The following PTPRU variants were observed in gnomAD, a reference collection of about 807,000 sequenced individuals.
The protein encoded by PTPRU is receptor-type tyrosine-protein phosphatase U.
Under a neutral mutation model 166.3 loss-of-function variants are expected in PTPRU, and 69 were observed. The observed-to-expected ratio is 0.41, with a 90% CI of 0.34 to 0.51. PTPRU has a LOEUF of 0.51. Among genes scored for constraint, PTPRU ranks in the 20% least tolerant of loss-of-function variants. The pLI is 0.09. For missense variants in PTPRU, 1,657 were observed against 2,013.7 expected (o/e 0.82, Z 3.39); for synonymous variants, 793 against 814.0 (o/e 0.97, Z 0.44).
chr1:29,306,065 C>A (rs531690916), intron 18 of PTPRU, among the ~76,000 whole-genome samples: 73 of 152,300 alleles, frequency 4.8e-4, no homozygotes, highest in African/African-American at 1.7e-3. Flanking sequence ...GGTTGCACAG[C>A]TAGTGAGTGG....
At chr1:29,304,120 C>G (rs1687272870) in intron 16 of PTPRU, 75 bp downstream of exon 16, 1 of 1,503,974 alleles carries the variant, frequency 6.6e-7, no homozygotes, top group South Asian at 1.3e-5. Context: ...GACTCTGACC[C>G]TGGCAACCCT....
Position 29,282,872 on chromosome 1 carries a change from C to T in PTPRU, c.2065C>T (p.Arg689Ter). The T allele has an allele frequency of 6.2e-7, 1 of 1,614,126 alleles. No individual in the cohort carries two copies. The highest frequency in any genetic ancestry group is 1.1e-5 in the South Asian group (1 of 91,086). Residue 689 changes from arginine (R) to a stop codon, truncating the protein, a stop_gained, in exon 12 of 30, where the codon CGA becomes TGA. Coordinates refer to ENST00000373779, the MANE Select transcript of PTPRU (RefSeq NM_133178.4). LOFTEE classifies it high-confidence loss of function. ...PFTVGDNQTYRGFWNPPLEPR... is the reference protein window; with the variant it reads ...PFTVGDNQTY The stretch of plus-strand genomic sequence containing the variant: ...TACCGTGGGTGACAACCAGACCTAC[C>T]GAGGCTTCTGGAACCCACCACTTGA...
intron 26 of PTPRU, among the ~76,000 whole-genome samples, chr1:29,321,026 T>A (rs1487072794): frequency 2.6e-5 from 4 of 152,152 alleles, no homozygotes; most frequent in Non-Finnish European, 5.9e-5. Flanking sequence ...GTTGCTCTTT[T>A]TCTTTTCTTT....
In PTPRU at chr1:29,325,712, T is replaced by A. The variant is rs756639334; in HGVS notation, c.*51T>A. ...TGCACACTCAGGGCCAGACCCACCA[T>A]CCTGGACTGGCGAGGAAGATCAGTG... On this transcript the variant is annotated 3_prime_UTR_variant, in exon 30 of 30. Transcript: ENST00000373779. The A allele has an allele frequency of 3.3e-6, 5 of 1,493,236 alleles. No homozygotes were observed. The African/African-American group carries it at 7.0e-5, about 21-fold the overall frequency. 92.5% of individuals were successfully genotyped at this position (1,493,236 alleles called of 1,614,324 possible). A position where few individuals can be genotyped will look rare whatever the true frequency, so the allele number is the denominator to read the frequency against.
chr1:29,323,940 C>G (rs1040856597), intron 28 of PTPRU, 152 bp downstream of exon 28: 3 of 1,040,534 alleles, frequency 2.9e-6, no homozygotes, highest in Non-Finnish European at 2.7e-6. Flanking sequence ...GCTGCCCAAC[C>G]AGCCAAGGCT....
rs1685288883 is a variant in PTPRU at position 29,266,032 on chromosome 1, T to C, written c.1144+5129T>C. On this transcript the variant is annotated intron_variant, in intron 7 of 29. Transcript: ENST00000373779. The stretch of plus-strand genomic sequence containing the variant: ...TGGGTTTTTTTTTTTTTTTTTTTTT[T>C]TTTTTGATACGGAGTTTCACTCTTG... 3.4e-5 allele frequency among the ~76,000 whole-genome samples: 5 copies of C among 145,810 alleles called. No individual in the cohort carries two copies. In the South Asian group the frequency reaches 9.0e-4, roughly 26 times the overall value.
chr1:29,312,613 G>A lies in PTPRU; in HGVS notation c.3134G>A (p.Gly1045Asp). ...QFHFTAWPEH[G>D]VPYHATGLLA... ...CACTTCACAGCGTGGCCAGAGCATG[G>A]CGTCCCCTACCATGCCACGGGGCTG... The change falls in exon 22 of 30, where the codon GGC (glycine) becomes GAC (aspartate). Residue 1045 changes from glycine (G) to aspartate (D), a missense_variant. Transcript: ENST00000373779. 4 of 1,611,138 alleles carry A rather than the reference G, an allele frequency of 2.5e-6. No homozygotes were observed. The highest frequency in any genetic ancestry group is 3.4e-6 in the Non-Finnish European group (4 of 1,177,816).
At chr1:29,304,918 C>A in intron 17 of PTPRU, 69 bp downstream of exon 17, 1 of 1,435,690 alleles carries the variant, frequency 7.0e-7, no homozygotes. Context: ...GGAACACAGC[C>A]AGGGTGAGCT....
At position 29,315,888 on chromosome 1, in the gene PTPRU, G is replaced by A; in HGVS notation, c.3364-114G>A. The A allele has an allele frequency of 7.6e-7, 1 of 1,316,032 alleles. No individual in the cohort carries two copies. The highest frequency in any genetic ancestry group is 1.4e-5 in the South Asian group (1 of 69,590). 81.5% of individuals were successfully genotyped at this position (1,316,032 alleles called of 1,614,324 possible). Reference sequence around the variant, plus strand: ...GCTTGGTCCAGCCTGTAGTAACATGGTTGGCCTCCACCTCAGGACACCCTG... The same window carrying A: ...GCTTGGTCCAGCCTGTAGTAACATGATTGGCCTCCACCTCAGGACACCCTG... On this transcript the variant is annotated intron_variant, in intron 23 of 29. Coordinates refer to ENST00000373779, the MANE Select transcript of PTPRU (RefSeq NM_133178.4). The surrounding 1 kb of genome is among the most constrained non-coding windows in gnomAD (Gnocchi z 4.5).
At position 29,317,697 on chromosome 1, in the gene PTPRU, GC is replaced by G; in HGVS notation, c.3514-48del. The G allele has an allele frequency of 1.3e-6, 2 of 1,527,328 alleles. No homozygotes were observed. The highest frequency in any genetic ancestry group is 1.8e-6 in the Non-Finnish European group (2 of 1,132,748). 94.6% of individuals were successfully genotyped at this position (1,527,328 alleles called of 1,614,324 possible). On this transcript the variant is annotated intron_variant, in intron 24 of 29. Transcript: ENST00000373779. The surrounding 1 kb of genome is among the most constrained non-coding windows in gnomAD (Gnocchi z 5.6). ...GCCTCCTTCATGGGGATGTGAGGAG[GC>G]CCAGCAAGCCCTGGACGTAACTCTC... is the stretch of plus-strand genomic sequence containing the variant.
chr1:29,284,754 C>A lies in PTPRU; in HGVS notation c.2203C>A (p.Pro735Thr), dbSNP rs763820625. ...AGCTGCCTGCAAGGAAAGCAAGCGG[C>A]CCCTGGAGGTGTCCCAGAGATCGGA... ...RKAACKESKRPLEVSQRSEEM... is the reference protein window; with the variant it reads ...RKAACKESKRTLEVSQRSEEM... The change falls in exon 14 of 30, where the codon CCC becomes ACC. Residue 735 changes from proline to threonine, a missense_variant. Physicochemically the swap from Pro to Thr is conservative, Grantham distance 38 (BLOSUM62 -1). Coordinates refer to ENST00000373779, the MANE Select transcript of PTPRU (RefSeq NM_133178.4). 1 of 1,614,002 alleles carries A rather than the reference C, an allele frequency of 6.2e-7. No individual in the cohort carries two copies. The highest frequency in any genetic ancestry group is 1.3e-5 in the African/African-American group (1 of 74,906).
intron 1 of PTPRU, among the ~76,000 whole-genome samples, chr1:29,241,949 TG>T (rs376023802): frequency 6.6e-6 from 1 of 151,414 alleles, no homozygotes; most frequent in African/African-American, 2.4e-5. Flanking sequence ...TGGAGTGCAA[TG>T]GCATGATCTC....
chr1:29,247,297 T>G (rs1170239715), intron 1 of PTPRU, among the ~76,000 whole-genome samples: 1 of 152,244 alleles, frequency 6.6e-6, no homozygotes, highest in Non-Finnish European at 1.5e-5. Context: ...ATGCCCATGA[T>G]GGATGTGGCA....
At chr1:29,300,871 A>T (rs1687103107) in intron 15 of PTPRU, among the ~76,000 whole-genome samples, 1 of 152,192 alleles carries the variant, frequency 6.6e-6, no homozygotes. Context: ...TCTCCTGGTG[A>T]TCCTGCATTC....
In PTPRU at chr1:29,311,320, T is replaced by G. The variant is rs1415705443; in HGVS notation, c.2858-136T>G. The stretch of plus-strand genomic sequence containing the variant: ...GCATGCGTCAGCTGCAAGCTGGGTG[T>G]TGTGGGCAGCATGAAGCCCCCGTTG... On this transcript the variant is annotated intron_variant, in intron 19 of 29. Coordinates refer to ENST00000373779, the MANE Select transcript of PTPRU (RefSeq NM_133178.4). This position sits in a 1 kb window ranked among gnomAD's most constrained non-coding sequence, Gnocchi z 4.1. 2 of 761,758 alleles carry G rather than the reference T, an allele frequency of 2.6e-6. No homozygotes were observed. Among genetic ancestry groups the G allele is most frequent in the African/African-American group, 3.5e-5 (2 of 57,852 alleles). The allele number at this position is 761,758 out of a possible 1,614,324, so 47.2% of individuals were successfully genotyped here.
At chr1:29,312,269 GGTGA>G (rs1290793978) in intron 21 of PTPRU, among the ~76,000 whole-genome samples, 1 of 152,190 alleles carries the variant, frequency 6.6e-6, no homozygotes, top group Non-Finnish European at 1.5e-5. Context: ...TGGTGGCAGA[GGTGA>G]GTATTTCACA....
chr1:29,312,308 C>T (rs553879787), intron 21 of PTPRU, among the ~76,000 whole-genome samples: 1 of 152,178 alleles, frequency 6.6e-6, no homozygotes, highest in Non-Finnish European at 1.5e-5. Context: ...ATCAGGCAGA[C>T]CATTGTCCAA....
chr1:29,259,156 C>T, intron 3 of PTPRU, 105 bp from the exon 4 acceptor site: 1 of 1,261,092 alleles, frequency 7.9e-7, no homozygotes, highest in Non-Finnish European at 1.1e-6. Flanking sequence ...GGGCTGACCT[C>T]TGCTAGTTGA....
chr1:29,289,146 G>T (rs1335448379), intron 14 of PTPRU, among the ~76,000 whole-genome samples: 1 of 151,230 alleles, frequency 6.6e-6, no homozygotes, highest in Non-Finnish European at 1.5e-5. Context: ...GGAGGGTGGG[G>T]GATGAGAACA....
Sources: gnomAD v4.1 joint callset for allele counts (sites outside exome capture counted in the v4.1 genomes callset) on GRCh38, gnomAD v4.1.1 for gene constraint, Gnocchi (gnomAD v3.1) non-coding constraint, MANE v1.5 for transcripts, NCBI Gene and HGNC (gene_info 2026-07-23, HGNC 2026-07-21) for gene names.